Variants in RFX1 observed in about 807,000 individuals in gnomAD.
RFX1 encodes MHC class II regulatory factor RFX1.
In RFX1, 42 loss-of-function variants were observed where a neutral mutation model predicts 119.6. The observed-to-expected ratio is 0.35, with a 90% CI of 0.27 to 0.45. RFX1 has a LOEUF of 0.45. Ranked by LOEUF, RFX1 falls within the 20% of genes least tolerant of loss-of-function variation. RFX1 has a pLI of 1.00. For synonymous variants in RFX1, 628 were observed against 618.5 expected, an observed-to-expected ratio of 1.02 and a Z score of -0.23; for missense variants, 1,118 against 1,368.1, an observed-to-expected ratio of 0.82 and a Z score of 2.88.
At chr19:14,004,231 C>G (rs555755194) in intron 1 of RFX1, among the ~76,000 whole-genome samples, 1 of 149,166 alleles carries the variant, frequency 6.7e-6, no homozygotes, top group Non-Finnish European at 1.5e-5. Flanking sequence ...AAGGGCTAGC[C>G]GGGCGCGGTG....
intron 1 of RFX1, among the ~76,000 whole-genome samples, chr19:14,005,679 T>C (rs868362870): frequency 6.6e-6 from 1 of 152,136 alleles, no homozygotes; most frequent in Admixed American, 6.5e-5. Context: ...GGGTGGTGGC[T>C]GCCCACCCTG....
intron 2 of RFX1, among the ~76,000 whole-genome samples, chr19:13,992,280 A>G (rs921305864): frequency 5.9e-5 from 9 of 152,116 alleles, no homozygotes; most frequent in Non-Finnish European, 1.2e-4. Flanking sequence ...CTCTAAACCA[A>G]AAAAACACAC....
intron 2 of RFX1, among the ~76,000 whole-genome samples, chr19:13,989,640 C>T (rs1450003612): frequency 6.6e-6 from 1 of 152,026 alleles, no homozygotes; most frequent in Non-Finnish European, 1.5e-5. Context: ...TGTCAGGTAT[C>T]GGGGGAGGGG....
intron 1 of RFX1, among the ~76,000 whole-genome samples, chr19:14,000,405 G>C (rs1040694973): frequency 1.3e-5 from 2 of 152,066 alleles, no homozygotes; most frequent in African/African-American, 2.4e-5. Flanking sequence ...AGGATCGCTT[G>C]AGTCTGGCGG....
chr19:13,968,636 G>C lies in RFX1; in HGVS notation c.1661C>G (p.Ala554Gly). Residue 554 changes from alanine to glycine, a missense_variant, in exon 12 of 21, where the codon GCG (alanine) becomes GGG (glycine). Physicochemically the swap from Ala to Gly is moderately conservative, Grantham distance 60. This residue lies in a region of RFX1 where 338 missense variants were observed against 508.9 expected (regional missense o/e 0.66). Coordinates refer to ENST00000254325, the MANE Select transcript of RFX1 (RefSeq NM_002918.5). This position sits in a 1 kb window ranked among gnomAD's most constrained non-coding sequence, Gnocchi z 5.5. Reference protein sequence around the residue: ...QKMEGMTNGVAVGQQPSTGLS... With the variant: ...QKMEGMTNGVGVGQQPSTGLS... ...CCCCGTGCTCGGCTGCTGCCCCACCGCCACGCCGTTGGTCATGCCTTCCAT... is the reference window on the plus strand; with the variant it reads ...CCCCGTGCTCGGCTGCTGCCCCACCCCCACGCCGTTGGTCATGCCTTCCAT... 1.2e-6 allele frequency: 2 copies of C among 1,613,304 alleles called. No homozygotes were observed. The highest frequency in any genetic ancestry group is 1.7e-6 in the Non-Finnish European group (2 of 1,179,962).
rs2145585217 is a variant in RFX1 at position 13,980,718 on chromosome 19, G to GCTGGGGGGGGCTTGCATCCTCT, written c.622-30_622-29insAGAGGATGCAAGCCCCCCCCAG. ...TAAGGGAAGGAGACACAGGAGTGCC[G>GCTGGGGGGGGCTTGCATCCTCT]CTGGGGTGGGCTTGCATCCTCTCTG... On this transcript the variant is annotated intron_variant, in intron 5 of 20. Coordinates refer to ENST00000254325, the MANE Select transcript of RFX1 (RefSeq NM_002918.5). This position sits in a 1 kb window ranked among gnomAD's most constrained non-coding sequence, Gnocchi z 5.1. The GCTGGGGGGGGCTTGCATCCTCT allele has an allele frequency of 3.1e-6, 2 of 646,418 alleles. No individual in the cohort carries two copies. Among genetic ancestry groups the GCTGGGGGGGGCTTGCATCCTCT allele is most frequent in the Non-Finnish European group, 4.2e-6 (2 of 472,800 alleles). 40.0% of individuals were successfully genotyped at this position (646,418 alleles called of 1,614,324 possible). A position where few individuals can be genotyped will look rare whatever the true frequency, so the allele number is the denominator to read the frequency against.
chr19:13,965,645 G>A lies in RFX1; in HGVS notation c.2094C>T (p.Asp698=), dbSNP rs139336544. ...YQGLVEILIP[D]VLRPIPSALT... ...ACTCACTGGGGATGGGCCGCAGCAC[G>A]TCGGGAATGAGGATTTCCACCAGGC... The change falls in exon 15 of 21, where the codon GAC becomes GAT. Residue 698 remains aspartate (D), a synonymous_variant. Transcript: ENST00000254325. This position sits in a 1 kb window ranked among gnomAD's most constrained non-coding sequence, Gnocchi z 4.7. 21 of 1,613,522 alleles carry A rather than the reference G, an allele frequency of 1.3e-5. No homozygotes were observed. Among genetic ancestry groups the A allele is most frequent in the South Asian group, 5.5e-5 (5 of 91,086 alleles).
In RFX1 at chr19:13,965,719, C is replaced by T. The variant is rs1175398818; in HGVS notation, c.2020G>A (p.Glu674Lys). Reference protein sequence around the residue: ...KAILVLLSKFEPVLQWTKHCD... With the variant: ...KAILVLLSKFKPVLQWTKHCD... ...TGCTTGGTCCATTGGAGCACGGGCT[C>T]GAACTTGGAGAGGAGCACCAGGATG... Residue 674 changes from glutamate to lysine, a missense_variant, in exon 15 of 21, where the codon GAG (glutamate) becomes AAG (lysine). Transcript: ENST00000254325. This position sits in a 1 kb window ranked among gnomAD's most constrained non-coding sequence, Gnocchi z 4.7. 1.5e-5 allele frequency: 25 copies of T among 1,613,894 alleles called. No individual in the cohort carries two copies. The highest frequency in any genetic ancestry group is 2.2e-5 in the East Asian group (1 of 44,882).
At chr19:13,983,408 G>C in intron 3 of RFX1, 78 bp downstream of exon 3, 1 of 1,283,022 alleles carries the variant, frequency 7.8e-7, no homozygotes, top group African/African-American at 1.5e-5. Flanking sequence ...GGGGAGGGGA[G>C]GTGAGGCCCC....
rs574526004 is a variant in RFX1 at position 13,993,509 on chromosome 19, C to T, written c.319+16G>A. On this transcript the variant is annotated intron_variant, in intron 2 of 20. Transcript: ENST00000254325. ...CTCTGAGAGGAGTTTTCAGGACACACGAGCGCGGCACTTACCAGAGACAGT... is the reference window on the plus strand; with the variant it reads ...CTCTGAGAGGAGTTTTCAGGACACATGAGCGCGGCACTTACCAGAGACAGT... The T allele has an allele frequency of 4.4e-6, 7 of 1,603,258 alleles. No homozygotes were observed. The highest frequency in any genetic ancestry group is 2.2e-5 in the East Asian group (1 of 44,758).
At position 13,980,736 on chromosome 19, in the gene RFX1, C is replaced by CCTCTCTGGGGTGGGCTCGCATA. The variant is rs754944241; in HGVS notation, c.622-48_622-47insTATGCGAGCCCACCCCAGAGAG. 2.1e-6 allele frequency: 3 copies of CCTCTCTGGGGTGGGCTCGCATA among 1,411,460 alleles called. No homozygotes were observed. Among genetic ancestry groups the CCTCTCTGGGGTGGGCTCGCATA allele is most frequent in the Non-Finnish European group, 9.8e-7 (1 of 1,020,100 alleles). The allele number at this position is 1,411,460 out of a possible 1,614,324, so 87.4% of individuals were successfully genotyped here. A position where few individuals can be genotyped will look rare whatever the true frequency, so the allele number is the denominator to read the frequency against. ...GAGTGCCGCTGGGGTGGGCTTGCAT[C>CCTCTCTGGGGTGGGCTCGCATA]CTCTCTGAGGTGGGCTCACACACAC... On this transcript the variant is annotated intron_variant, in intron 5 of 20. Transcript: ENST00000254325. This position sits in a 1 kb window ranked among gnomAD's most constrained non-coding sequence, Gnocchi z 5.1.
At chr19:14,003,920 T>A (rs1228777472) in intron 1 of RFX1, among the ~76,000 whole-genome samples, 7 of 152,242 alleles carry the variant, frequency 4.6e-5, no homozygotes. Flanking sequence ...TAGCTTTTTT[T>A]TTTTTGAGAC....
chr19:13,988,937 G>C (rs958321741), intron 2 of RFX1, among the ~76,000 whole-genome samples: 2 of 152,152 alleles, frequency 1.3e-5, no homozygotes, highest in South Asian at 4.1e-4. Flanking sequence ...CAGGAGAATC[G>C]CTTGAACCCA....
chr19:13,963,468 G>T, intron 18 of RFX1, 70 bp downstream of exon 18: 1 of 1,486,634 alleles, frequency 6.7e-7, no homozygotes. Flanking sequence ...TCGTAGAAGA[G>T]CACCTGAGAC....
intron 1 of RFX1, among the ~76,000 whole-genome samples, chr19:14,005,579 G>A (rs1296072897): frequency 6.6e-6 from 1 of 152,236 alleles, no homozygotes; most frequent in East Asian, 1.9e-4. Context: ...GGCCTCAGAT[G>A]GACAGGCACT....
chr19:13,976,761 G>C (rs1974263927), intron 8 of RFX1, among the ~76,000 whole-genome samples: 1 of 152,206 alleles, frequency 6.6e-6, no homozygotes, highest in South Asian at 2.1e-4. Context: ...AGCACTTTCG[G>C]AGGCCAAGAC....
rs149191689 is a variant in RFX1, at chr19:13,977,068, G to A, written c.929+924C>T. On this transcript the variant is annotated intron_variant, in intron 8 of 20. Transcript: ENST00000254325. ...TCCCAGCACTTTGGGAGGCTGAGAC[G>A]GGTGGATCACGAGGTCAGGAATTGA... 1.0e-3 allele frequency among the ~76,000 whole-genome samples: 155 copies of A among 151,816 alleles called. 1 individual carries two copies. In the East Asian group the frequency reaches 0.026, roughly 26 times the overall value.
In RFX1 at chr19:13,980,420, A is replaced by C. The variant is rs1974390570; in HGVS notation, c.738+153T>G. Among the ~76,000 whole-genome samples, 1 of 152,214 alleles carries C rather than the reference A, an allele frequency of 6.6e-6. No homozygotes were observed. Among genetic ancestry groups the C allele is most frequent in the Admixed American group, 6.5e-5 (1 of 15,272 alleles). Reference sequence around the variant, plus strand: ...GCCCCAGGATGCTGAGTCTGGAGACAGGCAGAGATGCTTATCAAAGGCCAG... The same window carrying C: ...GCCCCAGGATGCTGAGTCTGGAGACCGGCAGAGATGCTTATCAAAGGCCAG... On this transcript the variant is annotated intron_variant, in intron 6 of 20. Coordinates refer to ENST00000254325, the MANE Select transcript of RFX1 (RefSeq NM_002918.5). This position sits in a 1 kb window ranked among gnomAD's most constrained non-coding sequence, Gnocchi z 5.1.
intron 1 of RFX1, among the ~76,000 whole-genome samples, chr19:13,999,468 C>A (rs188035764): frequency 1.3e-5 from 2 of 152,172 alleles, no homozygotes; most frequent in African/African-American, 4.8e-5. Context: ...AGTGGCCATG[C>A]ACAATAGGTA....
Sources: allele counts gnomAD v4.1 joint callset (sites outside exome capture counted in the v4.1 genomes callset), GRCh38; gene constraint gnomAD v4.1.1; regional missense constraint gnomAD v4.1.1; non-coding constraint Gnocchi (gnomAD v3.1); transcripts MANE v1.5; gene names NCBI Gene and HGNC (gene_info 2026-07-23, HGNC 2026-07-21).